ABCA4: variants seen among roughly 807,000 people sequenced by gnomAD.
ABCA4 encodes retinal-specific phospholipid-transporting ATPase ABCA4.
Under a neutral mutation model 263.7 loss-of-function variants are expected in ABCA4, and 196 were observed. The ratio of observed to expected loss-of-function variants is 0.74; its 90% confidence interval spans 0.66 to 0.84. The LOEUF (loss-of-function observed/expected upper bound fraction) is 0.84, where lower values mean the gene tolerates loss of function less well. Ranked by LOEUF, ABCA4 falls within the 40% of genes least tolerant of loss-of-function variation. ABCA4 has a pLI of 0.00. For missense variants in ABCA4, 2,792 were observed against 2,855.1 expected (o/e 0.98, Z 0.50); for synonymous variants, 1,133 against 1,094.2 (o/e 1.04, Z -0.70).
At chr1:94,019,808 CAGA>C (rs1659848504) in intron 35 of ABCA4, 49 bp from the exon 36 acceptor site, 3 of 1,574,582 alleles carry the variant, frequency 1.9e-6, no homozygotes, top group South Asian at 1.2e-5. Flanking sequence ...GAGGGAAGAG[CAGA>C]AGGAGGAGAA....
intron 6 of ABCA4, among the ~76,000 whole-genome samples, chr1:94,087,088 G>A (rs894858757): frequency 1.1e-4 from 16 of 152,234 alleles, no homozygotes; most frequent in Admixed American, 4.6e-4. Flanking sequence ...GGTTTTACAA[G>A]GGCACTAATC....
At chr1:94,118,433 T>C (rs1258466183) in intron 1 of ABCA4, among the ~76,000 whole-genome samples, 3 of 152,176 alleles carry the variant, frequency 2.0e-5, no homozygotes, top group African/African-American at 4.8e-5. Flanking sequence ...AGCTGAATTA[T>C]GGGCTGGGTG....
chr1:94,009,141 C>T (rs1367976014), intron 40 of ABCA4, among the ~76,000 whole-genome samples: 1 of 152,096 alleles, frequency 6.6e-6, no homozygotes, highest in East Asian at 1.9e-4. Flanking sequence ...ACCTTGCCTA[C>T]TTCAACCATG....
Position 94,044,587 on chromosome 1 carries a change from G to A in ABCA4, c.3050+26C>T, listed in dbSNP as rs560189827. ...GGCAGAGGTGAGGAGAGGGGATGGG[G>A]CGGTCTCAGTTCCTGTGTCGCTTAC... On this transcript the variant is annotated intron_variant, in intron 20 of 49. Coordinates refer to ENST00000370225, the MANE Select transcript of ABCA4 (RefSeq NM_000350.3). 21 of 1,614,214 alleles carry A rather than the reference G, an allele frequency of 1.3e-5. 1 individual carries two copies. The highest frequency in any genetic ancestry group is 4.0e-5 in the African/African-American group (3 of 75,066).
chr1:94,044,560 G>C (rs1660617388), intron 20 of ABCA4, 53 bp downstream of exon 20: 2 of 1,613,966 alleles, frequency 1.2e-6, no homozygotes, highest in Admixed American at 3.3e-5. Flanking sequence ...AAGTGTGCTG[G>C]GGGCAGAGGT....
At position 94,029,672 on chromosome 1, in the gene ABCA4, G is replaced by A. The variant is rs1357170080; in HGVS notation, c.4353-41C>T. On this transcript the variant is annotated intron_variant, in intron 29 of 49. Coordinates refer to ENST00000370225, the MANE Select transcript of ABCA4 (RefSeq NM_000350.3). ...AAAATATTCCATAATCAGCCTCAAA[G>A]TTGCTGACAAATCCCTAGGCATAAG... is the stretch of plus-strand genomic sequence containing the variant. 1.9e-6 allele frequency: 3 copies of A among 1,583,604 alleles called. No homozygotes were observed. In the African/African-American group the frequency reaches 4.0e-5, roughly 21 times the overall value.
intron 26 of ABCA4, among the ~76,000 whole-genome samples, chr1:94,036,509 T>C (rs988548609): frequency 4.0e-5 from 6 of 151,898 alleles, no homozygotes; most frequent in Admixed American, 1.3e-4. Flanking sequence ...CCCGAGTAGC[T>C]GGAATTACAG....
Position 94,032,526 on chromosome 1 carries a change from C to T in ABCA4, c.3863-483G>A, listed in dbSNP as rs113011227. The stretch of plus-strand genomic sequence containing the variant: ...TGGCAGGCACCTGTAATCCCAACTA[C>T]TCGGGAGGCTGAGGCAGGAGAATCA... On this transcript the variant is annotated intron_variant, in intron 26 of 49. Coordinates refer to ENST00000370225, the MANE Select transcript of ABCA4 (RefSeq NM_000350.3). 1.6e-4 allele frequency among the ~76,000 whole-genome samples: 24 copies of T among 152,236 alleles called. No individual in the cohort carries two copies. In the South Asian group the frequency reaches 1.9e-3, roughly 12 times the overall value.
chr1:94,083,389 C>G lies in ABCA4; in HGVS notation c.821G>C (p.Gly274Ala). Residue 274 changes from glycine to alanine, a missense_variant, in exon 7 of 50, where the codon GGA (glycine) becomes GCA (alanine). Physicochemically the swap from Gly to Ala is moderately conservative, Grantham distance 60 (BLOSUM62 0). Coordinates refer to ENST00000370225, the MANE Select transcript of ABCA4 (RefSeq NM_000350.3). ...RSQGINLRSWGGILSDMSPRI... is the reference protein window; with the variant it reads ...RSQGINLRSWAGILSDMSPRI... ...TGGTGACATATCAGATAATATTCCTCCCCAAGATCTCAGATTGATACCTTG... is the reference window on the plus strand; with the variant it reads ...TGGTGACATATCAGATAATATTCCTGCCCAAGATCTCAGATTGATACCTTG... 1 of 1,613,760 alleles carries G rather than the reference C, an allele frequency of 6.2e-7. No homozygotes were observed.
rs532525463 is a variant in ABCA4, at chr1:94,108,570, T to C, written c.442+7A>G. 3 of 1,613,358 alleles carry C rather than the reference T, an allele frequency of 1.9e-6. No individual in the cohort carries two copies. The highest frequency in any genetic ancestry group is 3.3e-5 in the Admixed American group (2 of 60,016). Reference sequence around the variant, plus strand: ...ATGATGCTTGAGAGCACTGCAGTCATGCTTACCTGCAATTCTCTCCGGGTG... The same window carrying C: ...ATGATGCTTGAGAGCACTGCAGTCACGCTTACCTGCAATTCTCTCCGGGTG... On this transcript the variant is annotated splice_region_variant and intron_variant, in intron 4 of 49. Coordinates refer to ENST00000370225, the MANE Select transcript of ABCA4 (RefSeq NM_000350.3).
chr1:94,066,031 A>T (rs546891731), intron 11 of ABCA4, among the ~76,000 whole-genome samples: 1 of 152,366 alleles, frequency 6.6e-6, no homozygotes, highest in South Asian at 2.1e-4. Context: ...GGACTTAAAC[A>T]GGTCACACAC....
intron 13 of ABCA4, 114 bp downstream of exon 13, chr1:94,062,463 C>T: frequency 7.4e-7 from 1 of 1,344,288 alleles, no homozygotes; most frequent in Non-Finnish European, 1.0e-6. Context: ...GGCTCTGGTC[C>T]CTGGGGCTCT....
At chr1:94,118,834 C>T (rs897212494) in intron 1 of ABCA4, among the ~76,000 whole-genome samples, 8 of 152,192 alleles carry the variant, frequency 5.3e-5, no homozygotes, top group African/African-American at 1.7e-4. Flanking sequence ...GGGAGGGCAC[C>T]AGAGCATTCT....
chr1:94,039,272 C>T lies in ABCA4; in HGVS notation c.3607+771G>A, dbSNP rs184148275. On this transcript the variant is annotated intron_variant, in intron 24 of 49. Transcript: ENST00000370225. ...CCCTCCAGTTGTAATGATCAGACAA[C>T]GCAAATATTGCCCGGTTCTCTTGCT... 3.7e-3 allele frequency among the ~76,000 whole-genome samples: 561 copies of T among 152,302 alleles called. 2 individuals are homozygous for T. Among genetic ancestry groups the T allele is most frequent in the Middle Eastern group, 0.027 (8 of 294 alleles).
At chr1:94,002,023 A>C (rs1291605359) in intron 44 of ABCA4, 31 bp from the exon 45 acceptor site, 2 of 1,614,044 alleles carry the variant, frequency 1.2e-6, no homozygotes, top group South Asian at 2.2e-5. Flanking sequence ...CCATTTGGAG[A>C]AGACAAGCAA....
At chr1:94,041,500 A>C (rs955303719) in intron 22 of ABCA4, 98 bp from the exon 23 acceptor site, 10 of 1,333,780 alleles carry the variant, frequency 7.5e-6, no homozygotes, top group Admixed American at 2.2e-5. Flanking sequence ...AGTTGCAAAA[A>C]TCAGGAGTTA....
intron 1 of ABCA4, among the ~76,000 whole-genome samples, chr1:94,114,488 CTT>C (rs11419879): frequency 6.7e-6 from 1 of 149,830 alleles, no homozygotes; most frequent in African/African-American, 2.5e-5. Flanking sequence ...CCGTGAGGCA[CTT>C]TTTTTTTTCT....
At chr1:94,073,556 T>C (rs918272635) in intron 11 of ABCA4, among the ~76,000 whole-genome samples, 2 of 152,234 alleles carry the variant, frequency 1.3e-5, no homozygotes, top group African/African-American at 2.4e-5. Flanking sequence ...ATGAATTAGC[T>C]CATTTAATTC....
At chr1:94,046,334 C>CA (rs1660676144) in intron 19 of ABCA4, among the ~76,000 whole-genome samples, 1 of 146,740 alleles carries the variant, frequency 6.8e-6, no homozygotes, top group Non-Finnish European at 1.5e-5. Context: ...TGGTGGTATG[C>CA]ACCTGTAGTC....
Sources: gnomAD v4.1 joint callset for allele counts (sites outside exome capture counted in the v4.1 genomes callset) on GRCh38, gnomAD v4.1.1 for gene constraint, MANE v1.5 for transcripts, NCBI Gene and HGNC (gene_info 2026-07-23, HGNC 2026-07-21) for gene names.